FATE1: variants seen among roughly 807,000 people sequenced by gnomAD.
FATE1 encodes the protein fetal and adult testis expressed 1, also known as fetal and adult testis-expressed transcript protein.
Under a neutral mutation model 16.0 loss-of-function variants are expected in FATE1, and 18 were observed. That is an observed-to-expected ratio of 1.12 (90% CI 0.78 to 1.66). The LOEUF is 1.66. Ranked by LOEUF, FATE1 falls within the 40% of genes most tolerant of loss-of-function variation. FATE1 has a pLI of 0.00. For missense variants in FATE1, 169 were observed against 152.7 expected, an observed-to-expected ratio of 1.11 and a Z score of -0.56; for synonymous variants, 76 against 56.9, an observed-to-expected ratio of 1.34 and a Z score of -1.51.
chrX:151,722,395 G>A (rs1166902973), intron 4 of FATE1, among the ~76,000 whole-genome samples: 1 of 112,630 alleles, frequency 8.9e-6, no homozygotes, highest in Non-Finnish European at 1.9e-5. Context: ...TTCCAGAGAA[G>A]GGAAGTGAAC....
At position 151,722,668 on chromosome X, in the gene FATE1, A is replaced by C. The variant is rs373654244; in HGVS notation, c.461A>C (p.Gln154Pro). ...VNRRLRALEE[Q>P]GATWRHRETL... ...CGGCGTCTGCGCGCCCTGGAGGAAC[A>C]GGGCGCCACCTGGCGCCACAGGGAG... is the stretch of plus-strand genomic sequence containing the variant. The change falls in exon 5 of 5, where the codon CAG becomes CCG. Residue 154 changes from glutamine (Q) to proline (P), a missense_variant. By Grantham distance (76) the Gln-to-Pro change is moderately conservative. Transcript: ENST00000370350. 8.3e-7 allele frequency: 1 copy of C among 1,211,086 alleles called. No homozygotes were observed. The highest frequency in any genetic ancestry group is 1.1e-6 in the Non-Finnish European group (1 of 895,144).
At position 151,717,386 on chromosome X, in the gene FATE1, G is replaced by A. The variant is rs759629114; in HGVS notation, c.221G>A (p.Arg74Gln). 28 of 1,200,516 alleles carry A rather than the reference G, an allele frequency of 2.3e-5. No homozygotes were observed. The highest frequency in any genetic ancestry group is 3.1e-5 in the Non-Finnish European group (28 of 889,697). Residue 74 changes from arginine to glutamine, a missense_variant, in exon 2 of 5, where the codon CGA becomes CAA. Coordinates refer to ENST00000370350, the MANE Select transcript of FATE1 (RefSeq NM_033085.3). ...AKRVWNMTAT[R>Q]PKKMGSQLPK... ...CGAGTTTGGAATATGACTGCCACCC[G>A]ACCCAAGAAAATGGTACTGTATGGG...
Position 151,716,314 on chromosome X carries a change from T to C in FATE1, c.106+89T>C, listed in dbSNP as rs890915789. On this transcript the variant is annotated intron_variant, in intron 1 of 4. Transcript: ENST00000370350. The stretch of plus-strand genomic sequence containing the variant: ...GCATGTGTGTGTTGGAAAAGGTGCA[T>C]GTGTGCACGGAAGTGTTTGCACATC... The C allele has an allele frequency of 2.6e-5, 21 of 793,031 alleles. No individual in the cohort carries two copies. In the African/African-American group the frequency reaches 3.7e-4, roughly 14 times the overall value. The allele number at this position is 793,031 out of a possible 1,213,427, so 65.4% of individuals were successfully genotyped here. A position where few individuals can be genotyped will look rare whatever the true frequency, so the allele number is the denominator to read the frequency against.
intron 1 of FATE1, 107 bp from the exon 2 acceptor site, chrX:151,717,165 T>G: frequency 5.1e-6 from 5 of 980,496 alleles, no homozygotes; most frequent in Non-Finnish European, 6.9e-6. Flanking sequence ...TGCTGAGTGA[T>G]TCCCAAGAAA....
intron 2 of FATE1, among the ~76,000 whole-genome samples, chrX:151,717,996 G>A (rs2015076699): frequency 9.0e-6 from 1 of 110,523 alleles, no homozygotes. Context: ...TGAGGCATGA[G>A]AATTGCTTGA....
At chrX:151,722,083 C>T in intron 4 of FATE1, 102 bp downstream of exon 4, 1 of 736,726 alleles carries the variant, frequency 1.4e-6, no homozygotes. Context: ...GTCATCTTTC[C>T]CTTTAGCGCT....
At chrX:151,721,613 C>T in intron 3 of FATE1, 112 bp downstream of exon 3, 1 of 676,470 alleles carries the variant, frequency 1.5e-6, no homozygotes. Flanking sequence ...GGAATGCCTC[C>T]CTGTCAGAGA....
At position 151,721,421 on chromosome X, in the gene FATE1, G is replaced by A. The variant is rs759710345; in HGVS notation, c.261G>A (p.Met87Ile). The change falls in exon 3 of 5, where the codon ATG (methionine) becomes ATA (isoleucine). Residue 87 changes from methionine (M) to isoleucine (I), a missense_variant. By Grantham distance (10) the Met-to-Ile change is conservative (BLOSUM62 1). Coordinates refer to ENST00000370350, the MANE Select transcript of FATE1 (RefSeq NM_033085.3). ...KMGSQLPKPR[M>I]LRESGHGDAH... ...GGTCCCAGCTGCCAAAGCCCAGAAT[G>A]CTGAGAGAATCAGGCCATGGGGATG... 1.6e-6 allele frequency: 2 copies of A among 1,212,337 alleles called. No homozygotes were observed.
At chrX:151,717,143 G>C (rs1408799270) in intron 1 of FATE1, 129 bp from the exon 2 acceptor site, 1 of 787,357 alleles carries the variant, frequency 1.3e-6, no homozygotes, top group Non-Finnish European at 1.8e-6. Flanking sequence ...CTGATGGACA[G>C]TGGTTAATGG....
At chrX:151,720,484 G>C (rs1289936550) in intron 2 of FATE1, among the ~76,000 whole-genome samples, 1 of 112,108 alleles carries the variant, frequency 8.9e-6, no homozygotes, top group Non-Finnish European at 1.9e-5. Flanking sequence ...TAATGGCTGA[G>C]AGTATAACCT....
intron 1 of FATE1, 68 bp downstream of exon 1, chrX:151,716,293 G>A: frequency 2.2e-6 from 2 of 919,725 alleles, no homozygotes; most frequent in South Asian, 5.2e-5. Context: ...ACCTGTGCAT[G>A]TGTGTGTTGG....
rs192900041 is a variant in FATE1, at chrX:151,718,243, G to A, written c.234+844G>A. ...AGAAAGAAAGAAAGAAAGAAAGAGA[G>A]AAAGAAAGAAAGAAAGAGAAAGAAG... On this transcript the variant is annotated intron_variant, in intron 2 of 4. Transcript: ENST00000370350. Among the ~76,000 whole-genome samples, 107 of 109,718 alleles carry A rather than the reference G, an allele frequency of 9.8e-4. 1 individual carries two copies. The East Asian group carries it at 0.029, about 29-fold the overall frequency.
chrX:151,722,341 C>G (rs938943539), intron 4 of FATE1, among the ~76,000 whole-genome samples: 1 of 112,355 alleles, frequency 8.9e-6, no homozygotes, highest in Middle Eastern at 4.2e-3. Flanking sequence ...GGAGGAGATC[C>G]TTTCTTCCTT....
At chrX:151,718,915 A>C (rs1306198895) in intron 2 of FATE1, among the ~76,000 whole-genome samples, 1 of 112,233 alleles carries the variant, frequency 8.9e-6, no homozygotes, top group East Asian at 2.8e-4. Context: ...GCCCCAGTGA[A>C]GAATGAGAAA....
In FATE1 at chrX:151,722,770, G is replaced by T; in HGVS notation, c.*11G>T. ...TGGATGAACCAGTGATCGCCCCAGC[G>T]CGGCCTCCGTATTGGAGCCCTCCCT... On this transcript the variant is annotated 3_prime_UTR_variant, in exon 5 of 5. Coordinates refer to ENST00000370350, the MANE Select transcript of FATE1 (RefSeq NM_033085.3). The T allele has an allele frequency of 8.3e-7, 1 of 1,200,787 alleles. No homozygotes were observed. The highest frequency in any genetic ancestry group is 1.1e-6 in the Non-Finnish European group (1 of 889,675).
intron 1 of FATE1, among the ~76,000 whole-genome samples, chrX:151,716,948 G>A (rs917713682): frequency 6.3e-5 from 7 of 111,708 alleles, no homozygotes; most frequent in Admixed American, 1.9e-4. Context: ...AGGATAGATT[G>A]CTTTCTGTTT....
intron 2 of FATE1, among the ~76,000 whole-genome samples, chrX:151,719,439 A>G (rs2015095999): frequency 8.9e-6 from 1 of 112,263 alleles, no homozygotes; most frequent in Non-Finnish European, 1.9e-5. Flanking sequence ...TGAAACAAAC[A>G]AACAAATTCC....
At chrX:151,721,338 G>A (rs893397470) in intron 2 of FATE1, 57 bp from the exon 3 acceptor site, 6 of 1,071,608 alleles carry the variant, frequency 5.6e-6, no homozygotes, top group Middle Eastern at 2.5e-4. Flanking sequence ...GGGCAAACTG[G>A]AGAAGCCACT....
At chrX:151,719,573 A>T (rs2015097771) in intron 2 of FATE1, among the ~76,000 whole-genome samples, 1 of 112,277 alleles carries the variant, frequency 8.9e-6, no homozygotes, top group Admixed American at 9.4e-5. Flanking sequence ...GACATCATTG[A>T]TCAAATTATA....
Sources: allele counts gnomAD v4.1 joint callset (sites outside exome capture counted in the v4.1 genomes callset), GRCh38; gene constraint gnomAD v4.1.1; transcripts MANE v1.5; gene names NCBI Gene and HGNC (gene_info 2026-07-23, HGNC 2026-07-21).